Variants in RBMS1 observed in about 807,000 individuals in gnomAD.
RBMS1 encodes RNA-binding motif, single-stranded-interacting protein 1.
RBMS1 carries 17 observed loss-of-function variants against 62.3 expected under a neutral mutation model. The observed-to-expected ratio is 0.27, with a 90% confidence interval of 0.19 to 0.41. The LOEUF is 0.41. Ranked by LOEUF, RBMS1 falls within the 10% of genes least tolerant of loss-of-function variation. The pLI is 1.00. For synonymous variants in RBMS1, 172 were observed against 170.0 expected, an observed-to-expected ratio of 1.01 and a Z score of -0.09; for missense variants, 334 against 504.5, an observed-to-expected ratio of 0.66 and a Z score of 3.24.
chr2:160,438,404 C>T (rs926567759), intron 1 of RBMS1, among the ~76,000 whole-genome samples: 7 of 151,700 alleles, frequency 4.6e-5, no homozygotes, highest in Non-Finnish European at 7.4e-5. Flanking sequence ...GAGGACCCTG[C>T]GGCCTTCCGC....
chr2:160,275,479 T>C, intron 13 of RBMS1, 151 bp downstream of exon 13: 1 of 1,318,938 alleles, frequency 7.6e-7, no homozygotes, highest in South Asian at 2.2e-5. Context: ...AATCACTGAT[T>C]TTAATATTTC....
At chr2:160,419,960 AT>A (rs1165684843) in intron 1 of RBMS1, among the ~76,000 whole-genome samples, 1 of 152,204 alleles carries the variant, frequency 6.6e-6, no homozygotes. Flanking sequence ...AAAATACACG[AT>A]TTTTAAATTA....
chr2:160,278,660 T>G lies in RBMS1; in HGVS notation c.952-2A>C. 6.2e-7 allele frequency: 1 copy of G among 1,604,392 alleles called. No homozygotes were observed. Among genetic ancestry groups the G allele is most frequent in the Non-Finnish European group, 8.5e-7 (1 of 1,174,544 alleles). ...CATTGAGGGAGTTAACACGGCACCC[T>G]GGGGAGTTGGAGACAGGAGCAAAAT... On this transcript the variant is annotated splice_acceptor_variant, in intron 10 of 13. Transcript: ENST00000348849. LOFTEE classifies it high-confidence loss of function.
intron 1 of RBMS1, among the ~76,000 whole-genome samples, chr2:160,393,228 G>C (rs1028711597): frequency 2.6e-5 from 4 of 152,084 alleles, no homozygotes; most frequent in Non-Finnish European, 5.9e-5. Context: ...TCAAAATTCA[G>C]GTAAACTGTA....
chr2:160,360,897 G>C (rs920308482), intron 2 of RBMS1, among the ~76,000 whole-genome samples: 1 of 152,024 alleles, frequency 6.6e-6, no homozygotes, highest in Non-Finnish European at 1.5e-5. Flanking sequence ...AAAAGCACAA[G>C]GAAAACTTAC....
intron 1 of RBMS1, among the ~76,000 whole-genome samples, chr2:160,486,446 C>A (rs1685604923): frequency 6.6e-6 from 1 of 152,100 alleles, no homozygotes. Flanking sequence ...TCCTTCAGGA[C>A]CAGTGAAAAT....
chr2:160,407,597 G>C, intron 1 of RBMS1: 2 of 982,796 alleles, frequency 2.0e-6, no homozygotes, highest in Non-Finnish European at 2.4e-6. Flanking sequence ...GCCGCGAGGG[G>C]GAGGGCGCAA....
At chr2:160,385,828 T>C (rs760452797) in intron 1 of RBMS1, among the ~76,000 whole-genome samples, 1 of 152,200 alleles carries the variant, frequency 6.6e-6, no homozygotes, top group Non-Finnish European at 1.5e-5. Flanking sequence ...CCTCTATCTA[T>C]GTACCACATG....
intron 2 of RBMS1, among the ~76,000 whole-genome samples, chr2:160,364,275 C>T (rs1693282470): frequency 6.6e-6 from 1 of 152,194 alleles, no homozygotes; most frequent in East Asian, 1.9e-4. Context: ...TAGATAACCT[C>T]TTAGAAATAG....
intron 1 of RBMS1, among the ~76,000 whole-genome samples, chr2:160,458,848 A>G (rs190467117): frequency 6.6e-6 from 1 of 152,242 alleles, no homozygotes; most frequent in East Asian, 1.9e-4. Context: ...AAGGCCAATA[A>G]TGTAAACTAT....
intron 1 of RBMS1, among the ~76,000 whole-genome samples, chr2:160,377,799 A>G (rs1694078206): frequency 6.6e-6 from 1 of 152,162 alleles, no homozygotes; most frequent in Admixed American, 6.6e-5. Context: ...ATGTAATGCA[A>G]CCCCTCACTT....
Position 160,355,942 on chromosome 2 carries a change from C to CA in RBMS1, c.251+11273dup, listed in dbSNP as rs199868904. 4.9e-3 allele frequency among the ~76,000 whole-genome samples: 746 copies of CA among 151,710 alleles called. 9 individuals carry two copies. Among genetic ancestry groups the CA allele is most frequent in the African/African-American group, 0.017 (714 of 41,408 alleles). The stretch of plus-strand genomic sequence containing the variant: ...TGTCTAATAAATATTTGTTAAATTA[C>CA]AAAAAAAATGGGATTCACCATTCAC... On this transcript the variant is annotated intron_variant, in intron 2 of 13. Transcript: ENST00000348849.
intron 1 of RBMS1, among the ~76,000 whole-genome samples, chr2:160,416,943 G>C (rs1436263521): frequency 6.6e-6 from 1 of 152,128 alleles, no homozygotes; most frequent in Non-Finnish European, 1.5e-5. Context: ...AGATTGTATA[G>C]TGCTTTTTCT....
At chr2:160,334,829 T>C (rs1292109137) in intron 2 of RBMS1, among the ~76,000 whole-genome samples, 1 of 151,996 alleles carries the variant, frequency 6.6e-6, no homozygotes, top group Non-Finnish European at 1.5e-5. Flanking sequence ...TGTATACTAA[T>C]ATGAGTAGAG....
chr2:160,301,007 T>C (rs887624559), intron 5 of RBMS1, among the ~76,000 whole-genome samples: 14 of 152,226 alleles, frequency 9.2e-5, no homozygotes, highest in Non-Finnish European at 1.9e-4. Flanking sequence ...AATTTTATTG[T>C]AATTGTTGTA....
chr2:160,305,225 T>C (rs1393204749), intron 4 of RBMS1, among the ~76,000 whole-genome samples: 3 of 152,206 alleles, frequency 2.0e-5, no homozygotes, highest in Non-Finnish European at 4.4e-5. Context: ...AGCAGTGTAA[T>C]GTCTTAGGCC....
intron 1 of RBMS1, chr2:160,402,076 T>C (rs1695455242): frequency 6.6e-6 from 1 of 152,186 alleles, no homozygotes; most frequent in Non-Finnish European, 1.5e-5. Flanking sequence ...CACAGAAGTC[T>C]CCTAGGACCA....
intron 1 of RBMS1, among the ~76,000 whole-genome samples, chr2:160,434,850 A>G (rs1683049841): frequency 6.6e-6 from 1 of 152,176 alleles, no homozygotes; most frequent in Non-Finnish European, 1.5e-5. Flanking sequence ...AAAAATCATT[A>G]CTAAATCAGC....
intron 2 of RBMS1, among the ~76,000 whole-genome samples, chr2:160,351,490 C>T (rs1340127571): frequency 6.6e-6 from 1 of 152,108 alleles, no homozygotes; most frequent in Non-Finnish European, 1.5e-5. Context: ...TGAATGTTTC[C>T]TGTCTTCAAA....
Sources: allele counts gnomAD v4.1 joint callset (sites outside exome capture counted in the v4.1 genomes callset), GRCh38; gene constraint gnomAD v4.1.1; transcripts MANE v1.5; gene names NCBI Gene and HGNC (gene_info 2026-07-23, HGNC 2026-07-21).